The following NBPF20 variants were observed in gnomAD, a reference collection of about 807,000 sequenced individuals.
The protein encoded by NBPF20 is NBPF member 20.
In NBPF20, 90 loss-of-function variants were observed where a neutral mutation model predicts 68.1. The ratio of observed to expected loss-of-function variants is 1.32; its 90% CI spans 1.11 to 1.58. NBPF20 has a LOEUF of 1.58. Among genes scored for constraint, NBPF20 ranks in the 40% most tolerant of loss-of-function variants. NBPF20 has a pLI of 0.00. For synonymous variants in NBPF20, 290 were observed against 228.1 expected, an observed-to-expected ratio of 1.27 and a Z score of -2.45; for missense variants, 816 against 601.2, an observed-to-expected ratio of 1.36 and a Z score of -3.74.
chr1:145,291,268 G>A, exon 138 of NBPF20: 1 of 617,484 alleles, frequency 1.6e-6, no homozygotes, highest in East Asian at 2.8e-5. Flanking sequence ...GAGATACGTG[G>A]TTCAAATTAA....
upstream of NBPF20, among the ~76,000 whole-genome samples, chr1:145,406,068 G>A (rs868994482): frequency 1.4e-4 from 20 of 147,400 alleles, no homozygotes; most frequent in South Asian, 1.3e-3. Flanking sequence ...ACAGGCACCC[G>A]CCACCACGCC....
chr1:145,400,470 A>C (rs1662468420), exon 6 of NBPF20: 1 of 1,613,014 alleles, frequency 6.2e-7, no homozygotes, highest in Non-Finnish European at 8.5e-7. Flanking sequence ...TCTTCCTCAA[A>C]TGTGATTTTG....
upstream of NBPF20, among the ~76,000 whole-genome samples, chr1:145,406,516 CAGAG>C (rs1662797503): frequency 5.9e-5 from 9 of 151,742 alleles, no homozygotes; most frequent in Admixed American, 5.3e-4. Context: ...AAATGTTGGA[CAGAG>C]TTTTGCAAAG....
In NBPF20 at chr1:145,309,513, G is replaced by A. The variant is rs1331046849; in HGVS notation, c.13938-265C>T. On this transcript the variant is annotated intron_variant, in intron 115 of 137. Coordinates refer to ENST00000369373, the Ensembl canonical transcript of NBPF20. ...ACACACACACAGAGAGAGAGAACGA[G>A]CTCAGTGAATTATCCAGGTGACACA... 4.0e-5 allele frequency among the ~76,000 whole-genome samples: 3 copies of A among 75,720 alleles called. 1 individual carries two copies. Among genetic ancestry groups the A allele is most frequent in the African/African-American group, 2.0e-4 (3 of 14,816 alleles). 49.7% of individuals were successfully genotyped at this position (75,720 alleles called of 152,430 possible).
At chr1:145,402,816 C>T (rs1383583774) in intron 3 of NBPF20, among the ~76,000 whole-genome samples, 4 of 149,814 alleles carry the variant, frequency 2.7e-5, no homozygotes, top group African/African-American at 7.4e-5. Context: ...ATGACAGGGT[C>T]GAGAAGGCAA....
chr1:145,393,306 A>C (rs1319511809), intron 9 of NBPF20, 60 bp from the exon 15 acceptor site: 3 of 677,610 alleles, frequency 4.4e-6, no homozygotes, highest in African/African-American at 3.6e-5. Context: ...ACACAGCCCC[A>C]GCTAGATTTC....
At chr1:145,399,864 A>C (rs1484421084) in intron 6 of NBPF20, among the ~76,000 whole-genome samples, 1 of 148,746 alleles carries the variant, frequency 6.7e-6, no homozygotes, top group African/African-American at 2.5e-5. Context: ...ACCAGGGTCC[A>C]GCCTTGCTTT....
chr1:145,416,050 G>T, the NBPF20 span, among the ~76,000 whole-genome samples: 7 of 150,726 alleles, frequency 4.6e-5, no homozygotes, highest in Non-Finnish European at 1.0e-4. Context: ...AGAATCACTT[G>T]AACTCAGGAG....
Position 145,402,236 on chromosome 1 carries a change from G to A in NBPF20, c.424C>T (p.Gln142Ter). Residue 142 changes from glutamine to a stop codon, truncating the protein, a stop_gained, in exon 4 of 138, where the codon CAG becomes TAG. Coordinates refer to ENST00000369373, the Ensembl canonical transcript of NBPF20. LOFTEE classifies it high-confidence loss of function. ...TCAGCCAGCTGTTCTTGGAGGTCCTGCCCCTGGGACTTGTCCGGCTCATCC... is the reference window on the plus strand; with the variant it reads ...TCAGCCAGCTGTTCTTGGAGGTCCTACCCCTGGGACTTGTCCGGCTCATCC... 3 of 1,607,954 alleles carry A rather than the reference G, an allele frequency of 1.9e-6. No homozygotes were observed. Among genetic ancestry groups the A allele is most frequent in the Non-Finnish European group, 1.7e-6 (2 of 1,176,150 alleles).
rs587766776 is a variant in NBPF20, at chr1:145,291,389, G to C, written c.*137C>G. The C allele has an allele frequency of 5.6e-3, 8,764 of 1,575,948 alleles. 44 individuals are homozygous for C. The highest frequency in any genetic ancestry group is 6.5e-3 in the Non-Finnish European group (7,546 of 1,162,872). On this transcript the variant is annotated 3_prime_UTR_variant, in exon 138 of 138. Coordinates refer to ENST00000369373, the Ensembl canonical transcript of NBPF20. ...GCACAGGTTGCCACTGGCATGGTTT[G>C]AGAATAGGAATACAGCCATGCCCAC...
At chr1:145,411,169 T>A in the NBPF20 span, among the ~76,000 whole-genome samples, 1 of 145,588 alleles carries the variant, frequency 6.9e-6, no homozygotes, top group Admixed American at 6.9e-5. Flanking sequence ...AATCAGCTTG[T>A]AAATTTCTAC....
intron 2 of NBPF20, among the ~76,000 whole-genome samples, chr1:145,403,715 G>A (rs1174454003): frequency 6.6e-6 from 1 of 151,898 alleles, no homozygotes; most frequent in Non-Finnish European, 1.5e-5. Context: ...TAGGACTATG[G>A]GACTGATGGT....
intron 2 of NBPF20, among the ~76,000 whole-genome samples, chr1:145,403,618 G>C (rs1231243139): frequency 2.6e-5 from 4 of 152,178 alleles, no homozygotes; most frequent in Admixed American, 2.6e-4. Context: ...TGAATGCGGG[G>C]CCACTTTCCC....
chr1:145,372,444 G>A, intron 36 of NBPF20, 68 bp downstream of exon 41: 1 of 314,906 alleles, frequency 3.2e-6, no homozygotes, highest in Non-Finnish European at 5.3e-6. Flanking sequence ...GGGCCACTTG[G>A]AACAGGAATA....
intron 7 of NBPF20, among the ~76,000 whole-genome samples, chr1:145,396,703 T>G (rs1662260083): frequency 6.7e-6 from 1 of 148,286 alleles, no homozygotes; most frequent in African/African-American, 2.6e-5. Context: ...TATTCAACAT[T>G]CTTTTTTTTT....
intron 7 of NBPF20, among the ~76,000 whole-genome samples, chr1:145,398,184 T>G (rs1662353090): frequency 6.6e-6 from 1 of 151,706 alleles, no homozygotes; most frequent in African/African-American, 2.4e-5. Flanking sequence ...AGACAGAAGC[T>G]TAACAAGGAT....
At chr1:145,311,977 G>T (rs1222741247) in intron 112 of NBPF20, among the ~76,000 whole-genome samples, 1 of 86,024 alleles carries the variant, frequency 1.2e-5, no homozygotes, top group African/African-American at 6.9e-5. Flanking sequence ...ATGAGAGTAG[G>T]ATTAGGGCGC....
chr1:145,404,525 G>A (rs1330599267), intron 2 of NBPF20, among the ~76,000 whole-genome samples: 14 of 152,066 alleles, frequency 9.2e-5, no homozygotes, highest in East Asian at 7.7e-4. Flanking sequence ...CCAAAGTGCT[G>A]AGATTACAGG....
At chr1:145,292,298 C>T in intron 137 of NBPF20, 83 bp downstream of exon 142, 1 of 615,568 alleles carries the variant, frequency 1.6e-6, no homozygotes, top group East Asian at 2.6e-5. Context: ...GAAAACATGA[C>T]ATCAAACACA....
Sources: gnomAD v4.1 joint callset for allele counts (sites outside exome capture counted in the v4.1 genomes callset) on GRCh38, gnomAD v4.1.1 for gene constraint, MANE v1.5 for transcripts, NCBI Gene and HGNC (gene_info 2026-07-23, HGNC 2026-07-21) for gene names.